Variants in DPP10 observed in about 807,000 individuals in gnomAD.
DPP10 encodes inactive dipeptidyl peptidase 10.
DPP10 carries 33 observed loss-of-function variants against 120.9 expected under a neutral mutation model. That is an observed-to-expected ratio of 0.27 (90% confidence interval 0.21 to 0.37). The LOEUF (loss-of-function observed/expected upper bound fraction) is 0.37. Ranked by LOEUF, DPP10 falls within the 10% of genes least tolerant of loss-of-function variation. The pLI is 1.00. For missense variants in DPP10, 816 were observed against 942.8 expected (o/e 0.87, Z 1.76); for synonymous variants, 337 against 326.1 (o/e 1.03, Z -0.36).
At chr2:115,618,207 G>A (rs185756336) in intron 5 of DPP10, among the ~76,000 whole-genome samples, 1 of 152,156 alleles carries the variant, frequency 6.6e-6, no homozygotes, top group African/African-American at 2.4e-5. Flanking sequence ...CAAATAATAT[G>A]CTTTCTACTA....
intron 1 of DPP10, among the ~76,000 whole-genome samples, chr2:114,848,165 C>A (rs1363198942): frequency 4.6e-5 from 7 of 152,108 alleles, no homozygotes; most frequent in African/African-American, 7.2e-5. Context: ...ATCTGGCCAA[C>A]AAGTAGAAGA....
chr2:115,436,677 T>G (rs1282342930), intron 3 of DPP10, among the ~76,000 whole-genome samples: 1 of 151,832 alleles, frequency 6.6e-6, no homozygotes, highest in African/African-American at 2.4e-5. Context: ...AGGGTGGGTA[T>G]TGAAAAACAA....
intron 1 of DPP10, among the ~76,000 whole-genome samples, chr2:114,836,217 G>A (rs1687722197): frequency 6.6e-6 from 1 of 152,088 alleles, no homozygotes; most frequent in Admixed American, 6.6e-5. Flanking sequence ...CTTTATGTGT[G>A]CTGCTCCATT....
chr2:114,580,721 G>GT (rs11384274), intron 1 of DPP10, among the ~76,000 whole-genome samples: 24,819 of 122,930 alleles, frequency 0.2, 2,416 homozygotes, highest in East Asian at 0.44. Flanking sequence ...TATCACATCT[G>GT]TTTTTTTTTT....
chr2:115,748,971 A>G (rs1450908595), intron 10 of DPP10, among the ~76,000 whole-genome samples: 2 of 152,100 alleles, frequency 1.3e-5, no homozygotes, highest in Non-Finnish European at 2.9e-5. Context: ...TCATCTCATC[A>G]CCATTCAGTT....
chr2:115,098,277 G>A (rs1176882352), intron 1 of DPP10, among the ~76,000 whole-genome samples: 1 of 152,100 alleles, frequency 6.6e-6, no homozygotes, highest in African/African-American at 2.4e-5. Context: ...AGAAATAGAT[G>A]GTTTAAAATG....
At chr2:115,768,150 T>A (rs1681020341) in intron 12 of DPP10, 147 bp from the exon 13 acceptor site, 1 of 635,836 alleles carries the variant, frequency 1.6e-6, no homozygotes, top group South Asian at 2.5e-5. Flanking sequence ...AAAAATAGCA[T>A]ACATTCATTT....
intron 1 of DPP10, among the ~76,000 whole-genome samples, chr2:114,685,839 A>C (rs189384461): frequency 7.8e-4 from 119 of 151,970 alleles, no homozygotes; most frequent in Non-Finnish European, 1.2e-3. Context: ...GAAGTTTCCT[A>C]TCCGGTCTTC....
intron 5 of DPP10, among the ~76,000 whole-genome samples, chr2:115,674,126 A>C (rs1575494889): frequency 6.6e-6 from 1 of 152,004 alleles, no homozygotes; most frequent in South Asian, 2.1e-4. Flanking sequence ...TTGGGAGGCT[A>C]AGGCAGGAGA....
intron 5 of DPP10, among the ~76,000 whole-genome samples, chr2:115,595,910 C>T (rs979318560): frequency 1.4e-4 from 21 of 151,892 alleles, no homozygotes; most frequent in African/African-American, 4.6e-4. Flanking sequence ...AGAATTGTTT[C>T]TTTTATATCT....
intron 11 of DPP10, 99 bp from the exon 12 acceptor site, chr2:115,762,473 G>A (rs1680230928): frequency 4.1e-6 from 5 of 1,209,814 alleles, no homozygotes; most frequent in East Asian, 2.4e-5. Flanking sequence ...CAGTTGAAGA[G>A]AGGGAAAAAA....
intron 1 of DPP10, among the ~76,000 whole-genome samples, chr2:115,065,934 G>A (rs1239133396): frequency 6.6e-6 from 1 of 152,132 alleles, no homozygotes; most frequent in Non-Finnish European, 1.5e-5. Context: ...CTTAAATTGT[G>A]TTAATCTCAG....
chr2:114,888,753 A>G (rs912119924), intron 1 of DPP10, among the ~76,000 whole-genome samples: 1 of 152,200 alleles, frequency 6.6e-6, no homozygotes, highest in Admixed American at 6.5e-5. Context: ...TAAAAATCAT[A>G]CAGGATCCCC....
chr2:114,896,720 C>A (rs1365315873), intron 1 of DPP10, among the ~76,000 whole-genome samples: 2 of 151,984 alleles, frequency 1.3e-5, no homozygotes, highest in African/African-American at 2.4e-5. Context: ...AATTGAATAC[C>A]CTTTATTTCC....
chr2:114,876,973 C>A (rs181274864), intron 1 of DPP10, among the ~76,000 whole-genome samples: 1 of 151,822 alleles, frequency 6.6e-6, no homozygotes, highest in Non-Finnish European at 1.5e-5. Flanking sequence ...ATTTGCTATT[C>A]AAATATAATT....
At chr2:115,651,570 GTTTCCCA>G (rs2149379159) in intron 5 of DPP10, among the ~76,000 whole-genome samples, 1 of 152,126 alleles carries the variant, frequency 6.6e-6, no homozygotes, top group South Asian at 2.1e-4. Flanking sequence ...ACGCCGAATG[GTTTCCCA>G]CATATACCAA....
chr2:115,403,381 CTTTTTTTTTTT>C (rs78116780), intron 3 of DPP10, among the ~76,000 whole-genome samples: 5 of 118,382 alleles, frequency 4.2e-5, no homozygotes, highest in African/African-American at 7.1e-5. Flanking sequence ...TTCTTTCCTT[CTTTTTTTTTTT>C]TTTTTTTTTT....
At chr2:114,778,834 A>T (rs927905369) in intron 1 of DPP10, among the ~76,000 whole-genome samples, 2 of 152,112 alleles carry the variant, frequency 1.3e-5, no homozygotes, top group South Asian at 2.1e-4. Flanking sequence ...AGCCTCTGCC[A>T]TAGGGTTCTA....
chr2:115,791,482 CTGTT>C (rs1415316634), intron 19 of DPP10, 126 bp downstream of exon 19: 2 of 814,178 alleles, frequency 2.5e-6, no homozygotes, highest in Admixed American at 6.4e-5. Flanking sequence ...GGACAGCTGT[CTGTT>C]GTCTAAATTC....
Sources: gnomAD v4.1 joint callset for allele counts (sites outside exome capture counted in the v4.1 genomes callset) on GRCh38, gnomAD v4.1.1 for gene constraint, MANE v1.5 for transcripts, NCBI Gene and HGNC (gene_info 2026-07-23, HGNC 2026-07-21) for gene names.